The following BOK variants were observed in gnomAD, a reference collection of about 807,000 sequenced individuals.
BOK encodes the protein BCL2 family apoptosis regulator BOK, also known as bcl-2-related ovarian killer protein.
A neutral mutation model predicts 18.3 loss-of-function variants in BOK; 20 were observed. The observed-to-expected ratio is 1.09, with a 90% confidence interval of 0.77 to 1.59. BOK has a LOEUF of 1.59. Among genes scored for constraint, BOK ranks in the 40% most tolerant of loss-of-function variants. The probability of loss-of-function intolerance (pLI) is 0.00; values close to 1 mark genes in which losing one functional copy is unlikely to be tolerated. For synonymous variants in BOK, 173 were observed against 142.4 expected, an observed-to-expected ratio of 1.21 and a Z score of -1.53; for missense variants, 348 against 307.9, an observed-to-expected ratio of 1.13 and a Z score of -0.97.
At chr2:241,561,483 C>G (rs1370626767) in intron 2 of BOK, among the ~76,000 whole-genome samples, 1 of 122,410 alleles carries the variant, frequency 8.2e-6, no homozygotes, top group African/African-American at 3.2e-5. Flanking sequence ...TGGCCCAGGA[C>G]AGGGGCCCAG....
rs905258891 is a variant in BOK at position 241,570,284 on chromosome 2, G to T, written c.509G>T (p.Gly170Val). Reference protein sequence around the residue: ...TLATWLRRRGGWTDVLKCVVS... With the variant: ...TLATWLRRRGVWTDVLKCVVS... ...GCAACCTGGCTGCGGAGACGCGGCG[G>T]ATGGGTGAGCGCCTGAGTGCCCGTG... is the stretch of plus-strand genomic sequence containing the variant. The change falls in exon 4 of 5, where the codon GGA becomes GTA. Residue 170 changes from glycine to valine, a missense_variant. By Grantham distance (109) the Gly-to-Val change is moderately radical. Coordinates refer to ENST00000318407, the MANE Select transcript of BOK (RefSeq NM_032515.5). 2.4e-5 allele frequency: 37 copies of T among 1,555,626 alleles called. No individual in the cohort carries two copies. Among genetic ancestry groups the T allele is most frequent in the Non-Finnish European group, 3.1e-5 (36 of 1,151,086 alleles).
upstream of BOK, among the ~76,000 whole-genome samples, chr2:241,558,403 A>G (rs748599060): frequency 3.7e-4 from 57 of 152,264 alleles, no homozygotes; most frequent in Non-Finnish European, 5.6e-4. Flanking sequence ...ATAGAGGAAG[A>G]TATTTGCAAT....
chr2:241,551,955 G>A (rs925632114), intron 1 of BOK, among the ~76,000 whole-genome samples: 5 of 152,202 alleles, frequency 3.3e-5, no homozygotes, highest in African/African-American at 4.8e-5. Flanking sequence ...AGGAAACGCC[G>A]GGTGGCAGAG....
At chr2:241,560,520 G>A (rs774691331) in intron 2 of BOK, among the ~76,000 whole-genome samples, 6 of 152,246 alleles carry the variant, frequency 3.9e-5, no homozygotes, top group Non-Finnish European at 8.8e-5. Flanking sequence ...GCGCTGGCAT[G>A]GGCTCTAGGT....
At chr2:241,559,984 C>T (rs751724048) in intron 2 of BOK, 28 of 810,210 alleles carry the variant, frequency 3.5e-5, no homozygotes, top group South Asian at 5.6e-5. Flanking sequence ...TAGTGGGTGG[C>T]TAAGCTTCCA....
chr2:241,559,296 G>C (rs1376380275), intron 1 of BOK, among the ~76,000 whole-genome samples, 159 bp from the exon 2 acceptor site: 1 of 151,822 alleles, frequency 6.6e-6, no homozygotes, highest in Non-Finnish European at 1.5e-5. Flanking sequence ...GGCTCTGAAA[G>C]AAGGTGGCGC....
intron 3 of BOK, among the ~76,000 whole-genome samples, chr2:241,563,575 C>T (rs1380924888): frequency 6.6e-6 from 1 of 152,212 alleles, no homozygotes; most frequent in African/African-American, 2.4e-5. Flanking sequence ...GAGGGGCATG[C>T]TGTTCCCCTG....
At position 241,559,685 on chromosome 2, in the gene BOK, G is replaced by A. The variant is rs1017898348; in HGVS notation, c.202G>A (p.Ala68Thr). Residue 68 changes from alanine (A) to threonine (T), a missense_variant, in exon 2 of 5, where the codon GCG becomes ACG. Physicochemically the swap from Ala to Thr is moderately conservative, Grantham distance 58. Coordinates refer to ENST00000318407, the MANE Select transcript of BOK (RefSeq NM_032515.5). ...CCCGGGACGCCTGGCTGAGGTGTGC[G>A]CGGTGCTGCTGCGCCTGGGTGAGTG... Reference protein sequence around the residue: ...PVPGRLAEVCAVLLRLGDELE... With the variant: ...PVPGRLAEVCTVLLRLGDELE... The A allele has an allele frequency of 1.5e-6, 2 of 1,349,442 alleles. No homozygotes were observed. Among genetic ancestry groups the A allele is most frequent in the East Asian group, 3.1e-5 (1 of 32,550 alleles). The allele number at this position is 1,349,442 out of a possible 1,614,324, so 83.6% of individuals were successfully genotyped here. A position where few individuals can be genotyped will look rare whatever the true frequency, so the allele number is the denominator to read the frequency against.
intron 1 of BOK, 144 bp from the exon 2 acceptor site, chr2:241,559,311 T>C: frequency 2.4e-6 from 1 of 420,634 alleles, no homozygotes. Context: ...TGGCGCTGGG[T>C]TTTTAAAGAT....
chr2:241,563,043 G>T (rs952161671), intron 3 of BOK, among the ~76,000 whole-genome samples: 1 of 152,166 alleles, frequency 6.6e-6, no homozygotes, highest in East Asian at 1.9e-4. Context: ...ACTGGCTCCC[G>T]GAGGGCATCC....
At chr2:241,555,863 T>C (rs2066446932), upstream of BOK, among the ~76,000 whole-genome samples, 1 of 152,164 alleles carries the variant, frequency 6.6e-6, no homozygotes, top group South Asian at 2.1e-4. Context: ...GCAGGAAGTA[T>C]GAGTTCATTC....
At chr2:241,566,208 C>T (rs534170421) in intron 3 of BOK, among the ~76,000 whole-genome samples, 3 of 152,012 alleles carry the variant, frequency 2.0e-5, no homozygotes, top group African/African-American at 4.8e-5. Flanking sequence ...CGCTTGAACC[C>T]GGGAGGCGCA....
At chr2:241,566,333 T>C (rs1263940781) in intron 3 of BOK, among the ~76,000 whole-genome samples, 56 of 151,122 alleles carry the variant, frequency 3.7e-4, no homozygotes, top group African/African-American at 1.3e-3. Flanking sequence ...GTTTCACTCT[T>C]GTTGCCCAGG....
Position 241,573,594 on chromosome 2 carries a change from C to G in BOK, c.*1172C>G, listed in dbSNP as rs2066757261. The stretch of plus-strand genomic sequence containing the variant: ...GGTCCTTGTGCGGTGGGGACCGGGG[C>G]CGGCGGGCTCCAGGCCAGCACACCT... On this transcript the variant is annotated 3_prime_UTR_variant, in exon 5 of 5. Coordinates refer to ENST00000318407, the MANE Select transcript of BOK (RefSeq NM_032515.5). 6.6e-6 allele frequency: 1 copy of G among 152,350 alleles called. No homozygotes were observed. Among genetic ancestry groups the G allele is most frequent in the Non-Finnish European group, 1.5e-5 (1 of 68,146 alleles). The allele number at this position is 152,350 out of a possible 1,614,324, so 9.4% of individuals were successfully genotyped here. A position where few individuals can be genotyped will look rare whatever the true frequency, so the allele number is the denominator to read the frequency against.
rs1356462076 is a variant in BOK at position 241,567,729 on chromosome 2, G to T, written c.350-2396G>T. On this transcript the variant is annotated intron_variant, in intron 3 of 4. Coordinates refer to ENST00000318407, the MANE Select transcript of BOK (RefSeq NM_032515.5). ...AGGACACGGGAAGTCACAGCAACAC[G>T]AGAGCTTTATGCAGGGGAGTGACAT... 1.5e-5 allele frequency among the ~76,000 whole-genome samples: 2 copies of T among 135,250 alleles called. 1 individual carries two copies. The highest frequency in any genetic ancestry group is 3.2e-5 in the Non-Finnish European group (2 of 63,072). The allele number at this position is 135,250 out of a possible 152,430, so 88.7% of individuals were successfully genotyped here.
chr2:241,556,767 G>A (rs574901063), upstream of BOK, among the ~76,000 whole-genome samples: 5 of 152,148 alleles, frequency 3.3e-5, no homozygotes, highest in African/African-American at 1.2e-4. Context: ...AAATGAGTTG[G>A]GAAATACTCC....
chr2:241,568,400 G>A lies in BOK; in HGVS notation c.350-1725G>A, dbSNP rs756541445. Among the ~76,000 whole-genome samples, 6 of 152,060 alleles carry A rather than the reference G, an allele frequency of 3.9e-5. No homozygotes were observed. In the South Asian group the frequency reaches 6.2e-4, roughly 16 times the overall value. ...CTCCCAAAATGCTGGGATTACAGGC[G>A]TGAGCCACCGCGCCCAGCCATTTAT... On this transcript the variant is annotated intron_variant, in intron 3 of 4. Transcript: ENST00000318407.
chr2:241,566,211 G>A (rs986719752), intron 3 of BOK, among the ~76,000 whole-genome samples: 5 of 152,090 alleles, frequency 3.3e-5, no homozygotes, highest in Non-Finnish European at 5.9e-5. Flanking sequence ...TTGAACCCGG[G>A]AGGCGCAGGT....
chr2:241,553,071 C>T (rs2066425837), intron 1 of BOK, among the ~76,000 whole-genome samples: 2 of 152,250 alleles, frequency 1.3e-5, no homozygotes, highest in African/African-American at 4.8e-5. Flanking sequence ...TGCCACCGAC[C>T]CCCGTGGCCT....
Sources: allele counts gnomAD v4.1 joint callset (sites outside exome capture counted in the v4.1 genomes callset), GRCh38; gene constraint gnomAD v4.1.1; transcripts MANE v1.5; gene names NCBI Gene and HGNC (gene_info 2026-07-23, HGNC 2026-07-21).